Variants in HERC2 observed in about 807,000 individuals in gnomAD.
HERC2 encodes the protein HECT and RLD domain containing E3 ubiquitin protein ligase 2, also known as E3 ubiquitin-protein ligase HERC2.
Under a neutral mutation model 537.7 loss-of-function variants are expected in HERC2, and 102 were observed. The ratio of observed to expected loss-of-function variants is 0.19; its 90% confidence interval spans 0.16 to 0.22. The LOEUF is 0.22. Among genes scored for constraint, HERC2 ranks in the 10% least tolerant of loss-of-function variants. HERC2 has a pLI of 1.00. For synonymous variants in HERC2, 2,224 were observed against 2,466.2 expected, an observed-to-expected ratio of 0.90 and a Z score of 2.91; for missense variants, 4,236 against 6,198.2, an observed-to-expected ratio of 0.68 and a Z score of 10.63.
chr15:28,125,215 T>C, intron 83 of HERC2, 22 bp from the exon 84 acceptor site: 1 of 1,592,280 alleles, frequency 6.3e-7, no homozygotes, highest in South Asian at 1.1e-5. Context: ...GAATTTAGAA[T>C]CAGAACCTGT....
chr15:28,230,909 T>A (rs1163880394), intron 30 of HERC2, among the ~76,000 whole-genome samples: 1 of 152,108 alleles, frequency 6.6e-6, no homozygotes, highest in African/African-American at 2.4e-5. Context: ...TAGCTTCATG[T>A]AATTTTCATG....
At position 28,183,501 on chromosome 15, in the gene HERC2, C is replaced by G. The variant is rs553441699; in HGVS notation, c.8826-989G>C. ...GTGCTGGGATTACAGGTGGGAGCCA[C>G]CACACCCAGCAGGTTAGAAGTTTAA... On this transcript the variant is annotated intron_variant, in intron 56 of 92. Transcript: ENST00000261609. Among the ~76,000 whole-genome samples the G allele has an allele frequency of 3.6e-4, 55 of 152,288 alleles. 2 individuals carry two copies. The South Asian group carries it at 0.011, about 30-fold the overall frequency.
intron 35 of HERC2, among the ~76,000 whole-genome samples, chr15:28,225,556 G>A (rs1194413447): frequency 6.6e-6 from 1 of 151,720 alleles, no homozygotes; most frequent in Non-Finnish European, 1.5e-5. Context: ...AAATTAGCTG[G>A]GCGTGGTGGC....
intron 78 of HERC2, 145 bp from the exon 79 acceptor site, chr15:28,135,837 T>C: frequency 1.6e-6 from 1 of 630,776 alleles, no homozygotes. Flanking sequence ...AATATAAGTT[T>C]ATGCCTTTAT....
chr15:28,141,817 T>C lies in HERC2; in HGVS notation c.11730A>G (p.Ala3910=). The change falls in exon 77 of 93, where the codon GCA becomes GCG. Residue 3910 remains alanine, a synonymous_variant. Coordinates refer to ENST00000261609, the MANE Select transcript of HERC2 (RefSeq NM_004667.6). ...EVAKKIRELM[A]DSENMDVLHE... is the part of the protein sequence containing the mutation. ...GCAGAACATCCATGTTTTCGCTGTC[T>C]GCCATTAATTCACGAATTTTCTTAG... 6.2e-7 allele frequency: 1 copy of C among 1,614,114 alleles called. No individual in the cohort carries two copies. The highest frequency in any genetic ancestry group is 8.5e-7 in the Non-Finnish European group (1 of 1,180,002).
At chr15:28,223,686 G>C (rs1900771548) in intron 35 of HERC2, among the ~76,000 whole-genome samples, 1 of 152,120 alleles carries the variant, frequency 6.6e-6, no homozygotes, top group Admixed American at 6.5e-5. Flanking sequence ...ATAGCTTTAT[G>C]TTTTCTGGCT....
intron 50 of HERC2, among the ~76,000 whole-genome samples, chr15:28,197,161 C>T (rs1351202257): frequency 1.3e-5 from 2 of 152,224 alleles, no homozygotes; most frequent in Admixed American, 1.3e-4. Flanking sequence ...GAACCTCTCA[C>T]CACTGGGGAA....
At chr15:28,261,010 T>C (rs2075401674) in intron 15 of HERC2, 40 bp from the exon 16 acceptor site, 1 of 1,462,376 alleles carries the variant, frequency 6.8e-7, no homozygotes, top group Non-Finnish European at 9.5e-7. Context: ...TTCAAGCCTA[T>C]GACTTCCGCT....
chr15:28,248,848 T>C (rs1019122980), intron 20 of HERC2, 112 bp from the exon 21 acceptor site: 27 of 844,148 alleles, frequency 3.2e-5, no homozygotes, highest in Non-Finnish European at 4.9e-5. Flanking sequence ...TCATACATGA[T>C]GACCTGCAGC....
intron 88 of HERC2, 57 bp from the exon 89 acceptor site, chr15:28,115,598 C>A: frequency 7.8e-7 from 1 of 1,276,118 alleles, no homozygotes; most frequent in Non-Finnish European, 1.1e-6. Flanking sequence ...CAAAACTTCC[C>A]GCTCACTCAC....
rs373696705 is a variant in HERC2 at position 28,214,258 on chromosome 15, G to T, written c.6373C>A (p.Arg2125=). ...GAGGCCTGCGGGCGCACCCTGCGCC[G>T]CCTCAGCGTGGACTCTGAGGAGGAA... ...VPLLRESTLR[R]RRVRPQASLT... Residue 2125 remains arginine, a synonymous_variant, in exon 41 of 93, where the codon CGG becomes AGG. Coordinates refer to ENST00000261609, the MANE Select transcript of HERC2 (RefSeq NM_004667.6). 1.2e-5 allele frequency: 20 copies of T among 1,611,320 alleles called. No homozygotes were observed. Among genetic ancestry groups the T allele is most frequent in the Non-Finnish European group, 1.7e-5 (20 of 1,179,380 alleles).
intron 4 of HERC2, 149 bp downstream of exon 4, chr15:28,292,739 T>A (rs2076352952): frequency 1.3e-6 from 1 of 792,186 alleles, no homozygotes; most frequent in South Asian, 1.8e-5. Context: ...ACGGTAAGTT[T>A]TATGGTATGT....
At chr15:28,218,108 G>C (rs13379587) in intron 38 of HERC2, among the ~76,000 whole-genome samples, 1 of 150,444 alleles carries the variant, frequency 6.6e-6, no homozygotes, top group African/African-American at 2.5e-5. Context: ...TGATGAGGTT[G>C]AATGATGTCC....
intron 83 of HERC2, among the ~76,000 whole-genome samples, chr15:28,126,354 C>T (rs570794483): frequency 2.5e-4 from 38 of 152,292 alleles, no homozygotes; most frequent in Admixed American, 1.4e-3. Flanking sequence ...AGTAGATCTA[C>T]CATTTGATCC....
intron 2 of HERC2, among the ~76,000 whole-genome samples, chr15:28,318,505 G>A (rs529872107): frequency 2.0e-3 from 300 of 152,154 alleles, no homozygotes; most frequent in African/African-American, 7.0e-3. Flanking sequence ...GTGGACACCC[G>A]TAGTCCCAGC....
intron 35 of HERC2, 113 bp from the exon 36 acceptor site, chr15:28,222,328 A>G: frequency 1.7e-6 from 1 of 592,934 alleles, no homozygotes; most frequent in South Asian, 2.0e-5. Context: ...AACAATCCAT[A>G]CTATATGTTT....
intron 79 of HERC2, 115 bp from the exon 80 acceptor site, chr15:28,132,945 A>C: frequency 1.1e-6 from 1 of 885,918 alleles, no homozygotes. Context: ...TAAATCAATC[A>C]AGAAGAATCA....
intron 2 of HERC2, among the ~76,000 whole-genome samples, chr15:28,303,702 T>C (rs2076697837): frequency 6.6e-6 from 1 of 152,244 alleles, no homozygotes; most frequent in South Asian, 2.1e-4. Flanking sequence ...CTTTTCCTTT[T>C]TTGTGTGTCT....
At position 28,257,117 on chromosome 15, in the gene HERC2, G is replaced by T. The variant is rs564291000; in HGVS notation, c.2461C>A (p.Pro821Thr). 1 of 1,613,850 alleles carries T rather than the reference G, an allele frequency of 6.2e-7. No homozygotes were observed. The highest frequency in any genetic ancestry group is 2.2e-5 in the East Asian group (1 of 44,866). ...GCCACACACTCTTTCTCCTGGGGCGGGGGCCAGTCCGCGGAACCATCCATC... is the reference window on the plus strand; with the variant it reads ...GCCACACACTCTTTCTCCTGGGGCGTGGGCCAGTCCGCGGAACCATCCATC... ...EGMDGSADWPPPQEKECVAVA... is the reference protein window; with the variant it reads ...EGMDGSADWPTPQEKECVAVA... The change falls in exon 17 of 93, where the codon CCG (proline) becomes ACG (threonine). Residue 821 changes from proline (P) to threonine (T), a missense_variant. By Grantham distance (38) the Pro-to-Thr change is conservative (BLOSUM62 -1). Transcript: ENST00000261609.
Sources: gnomAD v4.1 joint callset for allele counts (sites outside exome capture counted in the v4.1 genomes callset) on GRCh38, gnomAD v4.1.1 for gene constraint, MANE v1.5 for transcripts, NCBI Gene and HGNC (gene_info 2026-07-23, HGNC 2026-07-21) for gene names.